The following METTL24 variants were observed in gnomAD, a reference collection of about 807,000 sequenced individuals.
METTL24 encodes the protein probable methyltransferase-like protein 24.
METTL24 carries 29 observed loss-of-function variants against 32.7 expected under a neutral mutation model. The observed-to-expected ratio is 0.89, with a 90% CI of 0.66 to 1.21. METTL24 has a LOEUF of 1.21. METTL24 is among the 50% of genes most tolerant of loss of function. METTL24 has a pLI of 0.00. For missense variants in METTL24, 439 were observed against 468.1 expected (o/e 0.94, Z 0.57); for synonymous variants, 163 against 179.5 (o/e 0.91, Z 0.73).
intron 1 of METTL24, 138 bp downstream of exon 1, chr6:110,357,817 G>T: frequency 3.4e-6 from 1 of 293,850 alleles, no homozygotes; most frequent in Non-Finnish European, 5.7e-6. Context: ...GCCTAAGAGA[G>T]CACAGGGGGA....
intron 4 of METTL24, among the ~76,000 whole-genome samples, chr6:110,277,754 A>G (rs1562223605): frequency 6.6e-6 from 1 of 152,072 alleles, no homozygotes; most frequent in Non-Finnish European, 1.5e-5. Context: ...TGATTTCTCA[A>G]TGTAGAGTTT....
rs992795619 is a variant in METTL24 at position 110,338,461 on chromosome 6, GT to G, written c.319-15590del. On this transcript the variant is annotated intron_variant, in intron 1 of 4. Coordinates refer to ENST00000338882, the MANE Select transcript of METTL24 (RefSeq NM_001123364.3). Reference sequence around the variant, plus strand: ...TGCAGTGAGCTGAGATCATGCCACTGTCCTCCAACCTGGGCAACAGAGCAAG... The same window carrying G: ...TGCAGTGAGCTGAGATCATGCCACTGCCTCCAACCTGGGCAACAGAGCAAG... 1.1e-4 allele frequency among the ~76,000 whole-genome samples: 17 copies of G among 152,144 alleles called. 1 individual carries two copies. Among genetic ancestry groups the G allele is most frequent in the African/African-American group, 3.6e-4 (15 of 41,414 alleles).
intron 1 of METTL24, among the ~76,000 whole-genome samples, chr6:110,327,016 G>T (rs1772028723): frequency 6.6e-6 from 1 of 152,218 alleles, no homozygotes; most frequent in Non-Finnish European, 1.5e-5. Flanking sequence ...TGTGCCACAT[G>T]CCAGGCTCTG....
chr6:110,346,458 G>A (rs1311897886), intron 1 of METTL24, among the ~76,000 whole-genome samples: 1 of 151,812 alleles, frequency 6.6e-6, no homozygotes, highest in Non-Finnish European at 1.5e-5. Context: ...AGGTGATACA[G>A]TGTAATAAGC....
intron 1 of METTL24, among the ~76,000 whole-genome samples, chr6:110,324,515 G>T (rs920017139): frequency 1.3e-5 from 2 of 152,176 alleles, no homozygotes; most frequent in African/African-American, 4.8e-5. Flanking sequence ...TCCTTGCAGA[G>T]CAGGGCTAAC....
intron 1 of METTL24, among the ~76,000 whole-genome samples, chr6:110,335,576 T>C (rs868612205): frequency 6.9e-6 from 1 of 145,540 alleles, no homozygotes; most frequent in Non-Finnish European, 1.5e-5. Context: ...GTTTTTTTTT[T>C]TTTTTTTTTT....
chr6:110,276,944 G>C (rs1293829896), intron 4 of METTL24, among the ~76,000 whole-genome samples: 1 of 152,124 alleles, frequency 6.6e-6, no homozygotes, highest in East Asian at 1.9e-4. Flanking sequence ...ACAATCCTGG[G>C]GGAACCACAT....
chr6:110,302,924 C>A (rs541984398), intron 3 of METTL24, among the ~76,000 whole-genome samples: 1 of 152,220 alleles, frequency 6.6e-6, no homozygotes, highest in East Asian at 1.9e-4. Flanking sequence ...AAGACCAATG[C>A]AGAAGGTGGG....
rs1368597325 is a variant in METTL24 at position 110,245,006 on chromosome 6, T to TATCTATCTATCTATC, written c.*939_*940insGATAGATAGATAGAT. Among the ~76,000 whole-genome samples, 1 of 147,416 alleles carries TATCTATCTATCTATC rather than the reference T, an allele frequency of 6.8e-6. No homozygotes were observed. The highest frequency in any genetic ancestry group is 2.5e-5 in the African/African-American group (1 of 39,276). ...TCTATCTATCTATCTATCTATCATC[T>TATCTATCTATCTATC]ATCTATTTATCTACCTACCTACCTA... is the stretch of plus-strand genomic sequence containing the variant. On this transcript the variant is annotated 3_prime_UTR_variant, in exon 5 of 5. Transcript: ENST00000338882.
chr6:110,319,445 A>ATAGATAGG (rs1771891047), intron 2 of METTL24, among the ~76,000 whole-genome samples: 1 of 149,078 alleles, frequency 6.7e-6, no homozygotes, highest in African/African-American at 2.6e-5. Flanking sequence ...AGATAGATAG[A>ATAGATAGG]TAGATAGATA....
Position 110,332,512 on chromosome 6 carries a change from C to T in METTL24, c.319-9640G>A, listed in dbSNP as rs151158680. On this transcript the variant is annotated intron_variant, in intron 1 of 4. Transcript: ENST00000338882. Reference sequence around the variant, plus strand: ...GTGGAAACTACACAGTGTCTGCATACGTAGTAAAGTTTCAGATGTCAAATT... The same window carrying T: ...GTGGAAACTACACAGTGTCTGCATATGTAGTAAAGTTTCAGATGTCAAATT... 303 of 982,500 alleles carry T rather than the reference C, an allele frequency of 3.1e-4. 2 individuals carry two copies. The African/African-American group carries it at 5.0e-3, about 16-fold the overall frequency. 60.9% of individuals were successfully genotyped at this position (982,500 alleles called of 1,614,324 possible).
At chr6:110,353,938 AG>A (rs1772658630) in intron 1 of METTL24, among the ~76,000 whole-genome samples, 1 of 152,204 alleles carries the variant, frequency 6.6e-6, no homozygotes, top group Non-Finnish European at 1.5e-5. Flanking sequence ...CATTTAAGAA[AG>A]AAAAAAAACC....
intron 1 of METTL24, among the ~76,000 whole-genome samples, chr6:110,330,779 A>T (rs962740258): frequency 6.6e-6 from 1 of 152,260 alleles, no homozygotes; most frequent in African/African-American, 2.4e-5. Context: ...GGACCCAACC[A>T]GGATAACTGC....
chr6:110,265,732 G>C (rs1770845179), intron 4 of METTL24, among the ~76,000 whole-genome samples: 1 of 152,092 alleles, frequency 6.6e-6, no homozygotes, highest in Non-Finnish European at 1.5e-5. Flanking sequence ...AGGGAGAGCT[G>C]GATGGAACTT....
rs771241768 is a variant in METTL24 at position 110,315,504 on chromosome 6, T to C, written c.418-23A>G. On this transcript the variant is annotated intron_variant, in intron 2 of 4. Coordinates refer to ENST00000338882, the MANE Select transcript of METTL24 (RefSeq NM_001123364.3). Reference sequence around the variant, plus strand: ...AATCTGTAAAGATTGGAAATCAATGTGAATAATTTGAAATGTTGGATGATA... The same window carrying C: ...AATCTGTAAAGATTGGAAATCAATGCGAATAATTTGAAATGTTGGATGATA... 1.4e-5 allele frequency: 23 copies of C among 1,611,754 alleles called. No homozygotes were observed. The South Asian group carries it at 2.2e-4, about 15-fold the overall frequency.
chr6:110,254,697 C>A (rs1194341430), intron 4 of METTL24, among the ~76,000 whole-genome samples: 1 of 152,070 alleles, frequency 6.6e-6, no homozygotes, highest in African/African-American at 2.4e-5. Context: ...TTCCCTACCA[C>A]CCCAACAAAT....
At chr6:110,267,906 A>G (rs566328030) in intron 4 of METTL24, among the ~76,000 whole-genome samples, 40 of 152,052 alleles carry the variant, frequency 2.6e-4, no homozygotes, top group African/African-American at 8.4e-4. Context: ...ATTTTAAACA[A>G]CCAGATCTTG....
intron 4 of METTL24, among the ~76,000 whole-genome samples, chr6:110,275,497 A>T (rs1771031900): frequency 6.6e-6 from 1 of 151,904 alleles, no homozygotes; most frequent in African/African-American, 2.4e-5. Flanking sequence ...CACTTCCTCT[A>T]TGCCCCCTCC....
chr6:110,274,663 AT>A (rs1203782609), intron 4 of METTL24, among the ~76,000 whole-genome samples: 4 of 152,014 alleles, frequency 2.6e-5, no homozygotes, highest in South Asian at 2.1e-4. Context: ...ACATAAAAAA[AT>A]TTTTTTTAAG....
Sources: gnomAD v4.1 joint callset for allele counts (sites outside exome capture counted in the v4.1 genomes callset) on GRCh38, gnomAD v4.1.1 for gene constraint, MANE v1.5 for transcripts, NCBI Gene and HGNC (gene_info 2026-07-23, HGNC 2026-07-21) for gene names.